SULF1: variants seen among roughly 807,000 people sequenced by gnomAD.
The protein encoded by SULF1 is extracellular sulfatase Sulf-1.
SULF1 carries 46 observed loss-of-function variants against 110.5 expected under a neutral mutation model. The observed-to-expected ratio is 0.42, with a 90% CI of 0.33 to 0.53. SULF1 has a LOEUF of 0.53. SULF1 is among the 20% of genes least tolerant of loss of function. The pLI, the probability that SULF1 is intolerant of heterozygous loss-of-function variation, is 0.12. For missense variants in SULF1, 941 were observed against 1,094.2 expected, an observed-to-expected ratio of 0.86 and a Z score of 1.98; for synonymous variants, 371 against 387.1, an observed-to-expected ratio of 0.96 and a Z score of 0.49.
chr8:69,591,611 A>G (rs557478659), intron 8 of SULF1, among the ~76,000 whole-genome samples: 1 of 152,236 alleles, frequency 6.6e-6, no homozygotes, highest in African/African-American at 2.4e-5. Context: ...TGATTCCAGT[A>G]ATTAAAAATT....
At chr8:69,583,886 G>A (rs779084872) in intron 6 of SULF1, among the ~76,000 whole-genome samples, 1 of 152,200 alleles carries the variant, frequency 6.6e-6, no homozygotes, top group South Asian at 2.1e-4. Context: ...GAGTGAAATG[G>A]CATCTGCTCT....
chr8:69,628,192 T>A lies in SULF1; in HGVS notation c.2064T>A (p.Gly688=). The A allele has an allele frequency of 6.2e-7, 1 of 1,613,824 alleles. No individual in the cohort carries two copies. Among genetic ancestry groups the A allele is most frequent in the African/African-American group, 1.3e-5 (1 of 75,034 alleles). ...GCAGCTATTACAATAAAGAGAAAGG[T>A]GTAAAAAAGCAAGAGAAATTAAAGA... The part of the protein sequence containing the change: ...SKQSYYNKEK[G]VKKQEKLKSH... Residue 688 remains glycine (G), a synonymous_variant, in exon 18 of 23, where the codon GGT becomes GGA. Coordinates refer to ENST00000402687, the MANE Select transcript of SULF1 (RefSeq NM_001128205.2).
chr8:69,637,402 C>A (rs989670679), intron 19 of SULF1, among the ~76,000 whole-genome samples: 1 of 152,180 alleles, frequency 6.6e-6, no homozygotes, highest in African/African-American at 2.4e-5. Context: ...GTCTCCGCTG[C>A]TTTACGATCC....
chr8:69,577,584 T>A (rs1805712225), intron 6 of SULF1, among the ~76,000 whole-genome samples: 1 of 152,148 alleles, frequency 6.6e-6, no homozygotes, highest in South Asian at 2.1e-4. Context: ...TGGATGACAT[T>A]TGTCATAAGA....
At chr8:69,533,159 G>A (rs1169643036) in intron 3 of SULF1, among the ~76,000 whole-genome samples, 1 of 152,150 alleles carries the variant, frequency 6.6e-6, no homozygotes, top group Non-Finnish European at 1.5e-5. Flanking sequence ...GGGTTGTGTT[G>A]GGCAGTGGAA....
intron 3 of SULF1, among the ~76,000 whole-genome samples, chr8:69,524,444 C>T (rs775680583): frequency 1.3e-5 from 2 of 151,958 alleles, no homozygotes; most frequent in Non-Finnish European, 2.9e-5. Context: ...GGTGAGGTGC[C>T]GTGCTCTTTT....
intron 3 of SULF1, among the ~76,000 whole-genome samples, chr8:69,510,985 CAT>C (rs1554565393): frequency 2.8e-5 from 4 of 141,006 alleles, no homozygotes; most frequent in African/African-American, 1.0e-4. Context: ...CACACACACA[CAT>C]ATTGTCAATG....
intron 8 of SULF1, among the ~76,000 whole-genome samples, chr8:69,596,060 G>A (rs980694700): frequency 3.3e-5 from 5 of 152,352 alleles, no homozygotes; most frequent in Non-Finnish European, 5.9e-5. Context: ...TACAAGTACA[G>A]TGGACTCAAG....
Position 69,601,656 on chromosome 8 carries a change from G to A in SULF1, c.888G>A (p.Leu296=), listed in dbSNP as rs142148202. ...LMSVDDSVER[L]YNMLVETGEL... ...CTTGTTCCTTTGCTGTATTTCAGCT[G>A]TATAACATGCTCGTGGAGACGGGGG... Residue 296 remains leucine, a splice_region_variant and synonymous_variant, in exon 10 of 23, where the codon CTG becomes CTA. Coordinates refer to ENST00000402687, the MANE Select transcript of SULF1 (RefSeq NM_001128205.2). 8.7e-4 allele frequency: 1,404 copies of A among 1,608,106 alleles called. 8 individuals carry two copies. In the African/African-American group the frequency reaches 0.015, roughly 17 times the overall value.
At chr8:69,595,997 C>T (rs1026382576) in intron 8 of SULF1, among the ~76,000 whole-genome samples, 18 of 151,956 alleles carry the variant, frequency 1.2e-4, no homozygotes, top group Admixed American at 7.2e-4. Context: ...TAAGCAATAC[C>T]GGAAAGAAAA....
At chr8:69,571,408 T>C (rs73293338) in intron 5 of SULF1, among the ~76,000 whole-genome samples, 1 of 152,194 alleles carries the variant, frequency 6.6e-6, no homozygotes, top group Non-Finnish European at 1.5e-5. Context: ...AAAGGATAAA[T>C]GACTTGCTCA....
intron 13 of SULF1, among the ~76,000 whole-genome samples, chr8:69,610,551 T>C (rs1586543798): frequency 6.6e-6 from 1 of 152,216 alleles, no homozygotes; most frequent in African/African-American, 2.4e-5. Flanking sequence ...TACTGAATTC[T>C]CCTCTGTGCA....
intron 8 of SULF1, among the ~76,000 whole-genome samples, chr8:69,592,487 G>A (rs189414397): frequency 6.6e-6 from 1 of 152,176 alleles, no homozygotes; most frequent in African/African-American, 2.4e-5. Flanking sequence ...TCTACACAGT[G>A]CAGAGGGTGG....
intron 5 of SULF1, among the ~76,000 whole-genome samples, chr8:69,575,456 AATT>A (rs938282060): frequency 2.0e-5 from 3 of 152,180 alleles, no homozygotes; most frequent in African/African-American, 7.2e-5. Flanking sequence ...GATCTTTTTT[AATT>A]ATTATTAAAC....
intron 13 of SULF1, among the ~76,000 whole-genome samples, chr8:69,618,115 A>G (rs1809318143): frequency 6.6e-6 from 1 of 152,184 alleles, no homozygotes; most frequent in Non-Finnish European, 1.5e-5. Flanking sequence ...GTCCAGCCAA[A>G]TTTGAGAACC....
chr8:69,581,432 C>A (rs1292343864), intron 6 of SULF1, among the ~76,000 whole-genome samples: 1 of 152,134 alleles, frequency 6.6e-6, no homozygotes, highest in Non-Finnish European at 1.5e-5. Context: ...GTAGCATGGC[C>A]TGAAGCCAAC....
At chr8:69,603,014 C>T (rs1412114233) in intron 10 of SULF1, among the ~76,000 whole-genome samples, 178 bp from the exon 11 acceptor site, 2 of 152,138 alleles carry the variant, frequency 1.3e-5, no homozygotes, top group African/African-American at 2.4e-5. Context: ...TAATCTTGCT[C>T]AGTGCCATTG....
intron 22 of SULF1, among the ~76,000 whole-genome samples, chr8:69,644,612 A>G (rs1014261471): frequency 6.6e-6 from 1 of 151,466 alleles, no homozygotes; most frequent in Admixed American, 6.6e-5. Flanking sequence ...CGTCTGTACT[A>G]AAAATACAAA....
chr8:69,576,015 G>GGGGGGCCACCTT lies in SULF1; in HGVS notation c.219_230dup (p.Thr76_Phe77insLeuGlyAlaThr), dbSNP rs1449841817. On this transcript the variant is annotated inframe_insertion, in exon 6 of 23. Coordinates refer to ENST00000402687, the MANE Select transcript of SULF1 (RefSeq NM_001128205.2). Reference sequence around the variant, plus strand: ...AAAACGAGAAAGATTATGGAACATGGGGGGGCCACCTTCATCAATGCCTTT... The same window carrying GGGGGGCCACCTT: ...AAAACGAGAAAGATTATGGAACATGGGGGGGCCACCTTGGGGGCCACCTTCATCAATGCCTTT... 6.2e-7 allele frequency: 1 copy of GGGGGGCCACCTT among 1,614,020 alleles called. No homozygotes were observed. The highest frequency in any genetic ancestry group is 2.2e-5 in the East Asian group (1 of 44,858).
Sources: gnomAD v4.1 joint callset for allele counts (sites outside exome capture counted in the v4.1 genomes callset) on GRCh38, gnomAD v4.1.1 for gene constraint, MANE v1.5 for transcripts, NCBI Gene and HGNC (gene_info 2026-07-23, HGNC 2026-07-21) for gene names.